QTMAN: variants seen among roughly 807,000 people sequenced by gnomAD.
QTMAN encodes the protein tRNA-queuosine alpha-mannosyltransferase.
chr2:144,089,625 T>C, the QTMAN span, among the ~76,000 whole-genome samples: 1 of 151,968 alleles, frequency 6.6e-6, no homozygotes, highest in Non-Finnish European at 1.5e-5. Flanking sequence ...AAAAAGAATA[T>C]GTCATTTGCA....
At chr2:144,118,481 C>A in the QTMAN span, among the ~76,000 whole-genome samples, 1 of 152,132 alleles carries the variant, frequency 6.6e-6, no homozygotes, top group African/African-American at 2.4e-5. Flanking sequence ...CAGGATATGT[C>A]TTATACCAGT....
At chr2:144,216,429 G>C in the QTMAN span, among the ~76,000 whole-genome samples, 2 of 152,048 alleles carry the variant, frequency 1.3e-5, no homozygotes, top group South Asian at 4.2e-4. Flanking sequence ...AAAATCAGGG[G>C]GACACAGGAA....
the QTMAN span, chr2:144,145,582 T>C: frequency 6.2e-7 from 1 of 1,607,498 alleles, no homozygotes; most frequent in Non-Finnish European, 8.5e-7. Flanking sequence ...CATGAAAGAA[T>C]TTGGTTGTAT....
chr2:144,170,200 T>C, the QTMAN span, among the ~76,000 whole-genome samples: 6 of 152,194 alleles, frequency 3.9e-5, no homozygotes, highest in Non-Finnish European at 7.4e-5. Flanking sequence ...ACTTTCCAAT[T>C]ACCATATATA....
chr2:144,060,387 A>G, the QTMAN span, among the ~76,000 whole-genome samples: 1 of 151,978 alleles, frequency 6.6e-6, no homozygotes, highest in Non-Finnish European at 1.5e-5. Context: ...CAGCCTCCTG[A>G]GTAGCTGGGA....
the QTMAN span, among the ~76,000 whole-genome samples, chr2:144,258,368 A>C: frequency 1.3e-5 from 2 of 152,204 alleles, no homozygotes; most frequent in Admixed American, 1.3e-4. Context: ...CAAAGTAATT[A>C]ACACTAAAAC....
the QTMAN span, among the ~76,000 whole-genome samples, chr2:144,326,943 A>G: frequency 6.6e-6 from 1 of 152,178 alleles, no homozygotes; most frequent in Non-Finnish European, 1.5e-5. Flanking sequence ...GGAAGATTCC[A>G]TGCATGGTTC....
chr2:144,039,607 T>A, the QTMAN span, among the ~76,000 whole-genome samples: 1 of 152,232 alleles, frequency 6.6e-6, no homozygotes, highest in Admixed American at 6.5e-5. Context: ...CTGAGCAATA[T>A]CCACAAATTG....
At chr2:144,120,913 T>C in the QTMAN span, among the ~76,000 whole-genome samples, 9 of 152,232 alleles carry the variant, frequency 5.9e-5, no homozygotes, top group Non-Finnish European at 1.3e-4. Flanking sequence ...CATTTTCTGA[T>C]ACTACCTTGC....
the QTMAN span, among the ~76,000 whole-genome samples, chr2:144,182,808 A>AATATATATATAAT: frequency 7.6e-4 from 40 of 52,502 alleles, 1 homozygote; most frequent in East Asian, 0.017. Flanking sequence ...TTATATATAT[A>AATATATATATAAT]ATATATATAT....
At chr2:144,288,171 C>T in the QTMAN span, among the ~76,000 whole-genome samples, 1 of 151,942 alleles carries the variant, frequency 6.6e-6, no homozygotes, top group Non-Finnish European at 1.5e-5. Flanking sequence ...GTCCAGCAGC[C>T]AACACAATTT....
chr2:144,159,166 T>C, the QTMAN span, among the ~76,000 whole-genome samples: 1 of 152,070 alleles, frequency 6.6e-6, no homozygotes, highest in Non-Finnish European at 1.5e-5. Flanking sequence ...GAGACATCTT[T>C]CTAGGAGTAA....
chr2:144,051,352 G>A, the QTMAN span, among the ~76,000 whole-genome samples: 1 of 152,004 alleles, frequency 6.6e-6, no homozygotes, highest in Admixed American at 6.6e-5. Flanking sequence ...TCATTATGGT[G>A]AGACCTCATC....
At chr2:144,071,121 A>G in the QTMAN span, among the ~76,000 whole-genome samples, 3 of 152,168 alleles carry the variant, frequency 2.0e-5, no homozygotes, top group Non-Finnish European at 4.4e-5. Flanking sequence ...AATCTACAAT[A>G]AAACAAATAA....
the QTMAN span, among the ~76,000 whole-genome samples, chr2:144,060,396 G>T: frequency 4.6e-5 from 7 of 152,242 alleles, no homozygotes; most frequent in South Asian, 1.5e-3. Context: ...GAGTAGCTGG[G>T]ATTATAGGCG....
the QTMAN span, among the ~76,000 whole-genome samples, chr2:144,089,193 C>A: frequency 1.3e-5 from 2 of 151,996 alleles, no homozygotes; most frequent in South Asian, 4.1e-4. Flanking sequence ...TGCAACAGGT[C>A]AACAGGTATG....
chr2:144,055,829 A>T, the QTMAN span, among the ~76,000 whole-genome samples: 1 of 152,340 alleles, frequency 6.6e-6, no homozygotes, highest in Admixed American at 6.5e-5. Context: ...AGAGACCTAG[A>T]ACCTGACCAT....
the QTMAN span, among the ~76,000 whole-genome samples, chr2:143,980,760 C>T: frequency 2.6e-5 from 4 of 152,196 alleles, no homozygotes; most frequent in African/African-American, 4.8e-5. Flanking sequence ...ATCTTAACAT[C>T]GCTGAGCTTA....
At chr2:144,139,249 T>C in the QTMAN span, among the ~76,000 whole-genome samples, 2 of 152,068 alleles carry the variant, frequency 1.3e-5, no homozygotes, top group Non-Finnish European at 2.9e-5. Context: ...TCTATTTTCA[T>C]GTGTCGATTA....
Sources: allele counts gnomAD v4.1 joint callset (sites outside exome capture counted in the v4.1 genomes callset), GRCh38; gene constraint gnomAD v4.1.1; transcripts MANE v1.5; gene names NCBI Gene and HGNC (gene_info 2026-07-23, HGNC 2026-07-21).